Variants in NKAIN2 observed in about 807,000 individuals in gnomAD.
NKAIN2 encodes the protein sodium/potassium-transporting ATPase subunit beta-1-interacting protein 2.
NKAIN2 carries 14 observed loss-of-function variants against 32.6 expected under a neutral mutation model. The ratio of observed to expected loss-of-function variants is 0.43; its 90% CI spans 0.28 to 0.67. The LOEUF (loss-of-function observed/expected upper bound fraction) is 0.67, where lower values mean the gene tolerates loss of function less well. Among genes scored for constraint, NKAIN2 ranks in the 30% least tolerant of loss-of-function variants. The probability of loss-of-function intolerance (pLI) is 0.17; values close to 1 mark genes in which losing one functional copy is unlikely to be tolerated. For missense variants in NKAIN2, 198 were observed against 258.3 expected (o/e 0.77, Z 1.60); for synonymous variants, 80 against 87.2 (o/e 0.92, Z 0.46).
intron 3 of NKAIN2, among the ~76,000 whole-genome samples, chr6:124,393,612 G>T (rs545307591): frequency 3.9e-5 from 6 of 152,188 alleles, no homozygotes; most frequent in African/African-American, 1.4e-4. Flanking sequence ...TTAAAAGGAT[G>T]AATCATAATA....
At chr6:124,645,541 G>T (rs1207365090) in intron 3 of NKAIN2, among the ~76,000 whole-genome samples, 1 of 152,108 alleles carries the variant, frequency 6.6e-6, no homozygotes, top group Non-Finnish European at 1.5e-5. Context: ...CTAATAATAA[G>T]AAGACTTGCA....
At position 124,683,668 on chromosome 6, in the gene NKAIN2, T is replaced by TC. The variant is rs527524599; in HGVS notation, c.474+25289dup. Among the ~76,000 whole-genome samples, 368 of 151,908 alleles carry TC rather than the reference T, an allele frequency of 2.4e-3. 2 individuals are homozygous for TC. The highest frequency in any genetic ancestry group is 8.2e-3 in the African/African-American group (338 of 41,432). On this transcript the variant is annotated intron_variant, in intron 4 of 6. Transcript: ENST00000368417. ...ACTAGTGTGCAAGCACCTTGTTTGA[T>TC]CCCCCCCACCCTGCTTTAGCACATG... is the stretch of plus-strand genomic sequence containing the variant.
At position 124,623,853 on chromosome 6, in the gene NKAIN2, G is replaced by T. The variant is rs1291511323; in HGVS notation, c.274-34333G>T. Among the ~76,000 whole-genome samples the T allele has an allele frequency of 1.3e-5, 2 of 152,154 alleles. 1 individual carries two copies. The highest frequency in any genetic ancestry group is 2.9e-5 in the Non-Finnish European group (2 of 68,010). On this transcript the variant is annotated intron_variant, in intron 3 of 6. Transcript: ENST00000368417. ...CAGTAGATCTTTGCAGGTTTTCCTG[G>T]CCTTTGGTACATTCAGTCTCAAAAA...
chr6:124,430,871 C>T (rs1031606072), intron 3 of NKAIN2, among the ~76,000 whole-genome samples: 7 of 152,258 alleles, frequency 4.6e-5, no homozygotes, highest in Middle Eastern at 3.4e-3. Flanking sequence ...TGCACACACG[C>T]GCGCGCACAT....
chr6:124,114,173 T>A (rs1785507090), intron 1 of NKAIN2, among the ~76,000 whole-genome samples: 1 of 152,180 alleles, frequency 6.6e-6, no homozygotes, highest in Non-Finnish European at 1.5e-5. Context: ...GCCTTTTTAA[T>A]GTCAGCAGTA....
intron 1 of NKAIN2, among the ~76,000 whole-genome samples, chr6:124,012,535 C>T (rs946768418): frequency 2.6e-5 from 4 of 151,956 alleles, no homozygotes; most frequent in South Asian, 2.1e-4. Context: ...GGGGTTTCAC[C>T]ATATTGGCCA....
At chr6:124,392,044 C>T (rs1187448713) in intron 3 of NKAIN2, among the ~76,000 whole-genome samples, 1 of 152,132 alleles carries the variant, frequency 6.6e-6, no homozygotes, top group Non-Finnish European at 1.5e-5. Context: ...TTTATACAGG[C>T]AGAACTCAAG....
intron 4 of NKAIN2, among the ~76,000 whole-genome samples, chr6:124,781,912 G>A (rs1290863785): frequency 6.6e-6 from 1 of 152,036 alleles, no homozygotes; most frequent in Non-Finnish European, 1.5e-5. Context: ...CTTCAAATTT[G>A]TGTCTTCCCC....
chr6:124,170,106 T>G (rs1049445673), intron 1 of NKAIN2, among the ~76,000 whole-genome samples: 1 of 152,160 alleles, frequency 6.6e-6, no homozygotes, highest in African/African-American at 2.4e-5. Flanking sequence ...TGAATCTCTA[T>G]TCCTGTAAAT....
At chr6:123,807,942 A>G (rs1277793078) in intron 1 of NKAIN2, among the ~76,000 whole-genome samples, 1 of 152,160 alleles carries the variant, frequency 6.6e-6, no homozygotes. Flanking sequence ...TTGAAACTTA[A>G]TTAAGAATGA....
rs138214314 is a variant in NKAIN2, at chr6:123,908,162, A to G, written c.54+103908A>G. On this transcript the variant is annotated intron_variant, in intron 1 of 6. Transcript: ENST00000368417. ...TTCATAATGAGTTTCCCTTGCATTT[A>G]TCTTTGCAGTCTTTGTAAGAAAATA... is the stretch of plus-strand genomic sequence containing the variant. Among the ~76,000 whole-genome samples the G allele has an allele frequency of 1.6e-4, 24 of 152,296 alleles. 1 individual carries two copies. In the East Asian group the frequency reaches 3.9e-3, roughly 24 times the overall value.
chr6:124,292,581 G>A (rs1302879772), intron 2 of NKAIN2, among the ~76,000 whole-genome samples: 1 of 151,414 alleles, frequency 6.6e-6, no homozygotes, highest in African/African-American at 2.4e-5. Context: ...TATGGGGAAG[G>A]CAACCCCATA....
intron 3 of NKAIN2, among the ~76,000 whole-genome samples, chr6:124,546,014 A>AT (rs1041761288): frequency 5.3e-5 from 8 of 152,190 alleles, no homozygotes; most frequent in South Asian, 2.1e-4. Context: ...GAAAAAAAAA[A>AT]AACAGTGAAG....
rs1422785421 is a variant in NKAIN2, at chr6:123,989,721, A to AT, written c.54+185475dup. Among the ~76,000 whole-genome samples, 26 of 152,178 alleles carry AT rather than the reference A, an allele frequency of 1.7e-4. No individual in the cohort carries two copies. The East Asian group carries it at 2.1e-3, about 12-fold the overall frequency. On this transcript the variant is annotated intron_variant, in intron 1 of 6. Transcript: ENST00000368417. ...ACCTAGAGTTATATGGTCACAGGGA[A>AT]TTTTTTTTAAAACCATCTTTAGATA...
intron 1 of NKAIN2, among the ~76,000 whole-genome samples, chr6:124,247,050 A>G (rs1793446575): frequency 6.6e-6 from 1 of 151,952 alleles, no homozygotes; most frequent in Admixed American, 6.6e-5. Context: ...CAGAACCAGC[A>G]GGGAGATAGT....
At chr6:124,821,037 G>A (rs957843799) in intron 6 of NKAIN2, among the ~76,000 whole-genome samples, 2 of 152,164 alleles carry the variant, frequency 1.3e-5, no homozygotes, top group Non-Finnish European at 2.9e-5. Flanking sequence ...ATTCATGCCT[G>A]TAATCCTAGC....
At chr6:123,837,780 G>C (rs998359462) in intron 1 of NKAIN2, among the ~76,000 whole-genome samples, 1 of 152,002 alleles carries the variant, frequency 6.6e-6, no homozygotes, top group African/African-American at 2.4e-5. Flanking sequence ...CTTATTTAGA[G>C]GGAATCTGAG....
At chr6:123,891,476 A>G (rs1774016919) in intron 1 of NKAIN2, among the ~76,000 whole-genome samples, 1 of 152,124 alleles carries the variant, frequency 6.6e-6, no homozygotes, top group South Asian at 2.1e-4. Context: ...TTACTCCTGC[A>G]TACCAAGGGA....
At chr6:123,920,477 G>A (rs906041514) in intron 1 of NKAIN2, among the ~76,000 whole-genome samples, 4 of 151,920 alleles carry the variant, frequency 2.6e-5, no homozygotes, top group Admixed American at 1.3e-4. Flanking sequence ...CCTAGGATGC[G>A]GAGAGGTTAA....
Sources: gnomAD v4.1 joint callset for allele counts (sites outside exome capture counted in the v4.1 genomes callset) on GRCh38, gnomAD v4.1.1 for gene constraint, MANE v1.5 for transcripts, NCBI Gene and HGNC (gene_info 2026-07-23, HGNC 2026-07-21) for gene names.